ESRRB: variants seen among roughly 807,000 people sequenced by gnomAD.
ESRRB encodes the protein estrogen related receptor beta, also known as steroid hormone receptor ERR2.
A neutral mutation model predicts 46.0 loss-of-function variants in ESRRB; 16 were observed. That is an observed-to-expected ratio of 0.35 (90% CI 0.24 to 0.53). ESRRB has a LOEUF of 0.53. Ranked by LOEUF, ESRRB falls within the 20% of genes least tolerant of loss-of-function variation. ESRRB has a pLI of 0.93. For missense variants in ESRRB, 488 were observed against 607.4 expected (o/e 0.80, Z 2.07); for synonymous variants, 246 against 259.6 (o/e 0.95, Z 0.50).
chr14:76,410,253 G>A (rs1228825437), intron 1 of ESRRB, among the ~76,000 whole-genome samples: 4 of 151,984 alleles, frequency 2.6e-5, no homozygotes, highest in Non-Finnish European at 4.4e-5. Flanking sequence ...CAAAGACTTG[G>A]TGTATTGCTT....
intron 1 of ESRRB, among the ~76,000 whole-genome samples, chr14:76,322,247 C>T (rs1489943121): frequency 1.2e-4 from 19 of 152,202 alleles, no homozygotes; most frequent in Admixed American, 1.2e-3. Context: ...TCTGCCAGGT[C>T]AGCCCTCTGT....
At chr14:76,385,253 TATTA>T (rs1374283431) in intron 1 of ESRRB, among the ~76,000 whole-genome samples, 1 of 151,714 alleles carries the variant, frequency 6.6e-6, no homozygotes, top group Non-Finnish European at 1.5e-5. Context: ...AGCTTTGGAT[TATTA>T]ATTGATTATT....
intron 1 of ESRRB, among the ~76,000 whole-genome samples, chr14:76,405,019 A>G (rs551413138): frequency 2.6e-5 from 4 of 152,244 alleles, no homozygotes; most frequent in South Asian, 4.1e-4. Flanking sequence ...TCCTGTGTGT[A>G]TTTACATAGA....
At chr14:76,460,873 T>A (rs1161588400) in intron 2 of ESRRB, among the ~76,000 whole-genome samples, 1 of 151,924 alleles carries the variant, frequency 6.6e-6, no homozygotes, top group East Asian at 1.9e-4. Flanking sequence ...AACTAATTTT[T>A]TTTTGTATTT....
intron 1 of ESRRB, among the ~76,000 whole-genome samples, chr14:76,343,913 C>G (rs932704866): frequency 6.6e-6 from 1 of 152,208 alleles, no homozygotes; most frequent in Admixed American, 6.5e-5. Context: ...ACAAATCAGG[C>G]AAACCCTTGT....
At chr14:76,409,268 T>G (rs1886330544) in intron 1 of ESRRB, among the ~76,000 whole-genome samples, 1 of 152,158 alleles carries the variant, frequency 6.6e-6, no homozygotes, top group South Asian at 2.1e-4. Context: ...TATCAGTTTT[T>G]GGATCTCTTT....
intron 3 of ESRRB, among the ~76,000 whole-genome samples, chr14:76,476,640 G>T (rs1408661411): frequency 6.6e-6 from 1 of 152,232 alleles, no homozygotes; most frequent in Non-Finnish European, 1.5e-5. Context: ...AGCTAGCAGC[G>T]TAAGCATGGA....
intron 1 of ESRRB, among the ~76,000 whole-genome samples, chr14:76,423,410 C>A (rs1887058325): frequency 6.6e-6 from 1 of 152,148 alleles, no homozygotes; most frequent in South Asian, 2.1e-4. Flanking sequence ...TCCCAAATTG[C>A]TGAGATTACA....
chr14:76,405,770 G>C (rs372907650), intron 1 of ESRRB, among the ~76,000 whole-genome samples: 1 of 151,764 alleles, frequency 6.6e-6, no homozygotes, highest in Non-Finnish European at 1.5e-5. Flanking sequence ...AAAAGGTGTG[G>C]TGGCATGCAC....
intron 5 of ESRRB, among the ~76,000 whole-genome samples, chr14:76,487,210 C>G (rs1386185645): frequency 6.6e-6 from 1 of 152,180 alleles, no homozygotes. Context: ...CCTGGCAAAG[C>G]AGGGTTCTAA....
chr14:76,345,548 T>C (rs1884239515), intron 1 of ESRRB, among the ~76,000 whole-genome samples: 1 of 152,174 alleles, frequency 6.6e-6, no homozygotes, highest in Admixed American at 6.5e-5. Flanking sequence ...AAACAGTAGA[T>C]GTTGGCATGG....
chr14:76,390,333 A>G (rs1303423063), intron 1 of ESRRB, among the ~76,000 whole-genome samples: 1 of 152,176 alleles, frequency 6.6e-6, no homozygotes, highest in Non-Finnish European at 1.5e-5. Context: ...TATTAAAAAT[A>G]CAAAAATCAG....
intron 1 of ESRRB, among the ~76,000 whole-genome samples, chr14:76,341,380 C>T (rs1055219649): frequency 7.2e-5 from 11 of 152,230 alleles, no homozygotes; most frequent in African/African-American, 2.4e-4. Flanking sequence ...ACCTCACTGG[C>T]GGGGGCTTCA....
intron 1 of ESRRB, among the ~76,000 whole-genome samples, chr14:76,437,864 G>T (rs1042380248): frequency 2.0e-5 from 3 of 152,278 alleles, no homozygotes; most frequent in Non-Finnish European, 2.9e-5. Flanking sequence ...ACCCTTGCCC[G>T]CCTTCTCCTC....
At chr14:76,347,374 G>A (rs1246330441) in intron 1 of ESRRB, among the ~76,000 whole-genome samples, 1 of 152,040 alleles carries the variant, frequency 6.6e-6, no homozygotes, top group East Asian at 1.9e-4. Flanking sequence ...CTGAGTCTTA[G>A]TTTCCGCACC....
At chr14:76,311,280 G>T (rs945708065) in intron 1 of ESRRB, among the ~76,000 whole-genome samples, 1 of 152,180 alleles carries the variant, frequency 6.6e-6, no homozygotes, top group Non-Finnish European at 1.5e-5. Flanking sequence ...GCTCAGCAGG[G>T]TAGCGATGTC....
intron 1 of ESRRB, among the ~76,000 whole-genome samples, chr14:76,379,860 C>CAA (rs34925535): frequency 0.13 from 16,538 of 126,760 alleles, 1,399 homozygotes; most frequent in East Asian, 0.31. Context: ...AGATCTGTTC[C>CAA]AAAAAAAAAA....
At chr14:76,356,723 C>G (rs552284985) in intron 1 of ESRRB, among the ~76,000 whole-genome samples, 6 of 152,284 alleles carry the variant, frequency 3.9e-5, no homozygotes, top group Admixed American at 3.9e-4. Context: ...GGGGCAGGTC[C>G]CTTAGGAAAT....
intron 3 of ESRRB, among the ~76,000 whole-genome samples, chr14:76,474,476 T>C (rs1595154858): frequency 6.6e-6 from 1 of 152,262 alleles, no homozygotes; most frequent in African/African-American, 2.4e-5. Flanking sequence ...TGGCAAAATA[T>C]ACGTCAAGTA....
Sources: allele counts gnomAD v4.1 joint callset (sites outside exome capture counted in the v4.1 genomes callset), GRCh38; gene constraint gnomAD v4.1.1; transcripts MANE v1.5; gene names NCBI Gene and HGNC (gene_info 2026-07-23, HGNC 2026-07-21).